Variants in ATRN observed in about 807,000 individuals in gnomAD.
ATRN encodes attractin.
ATRN carries 54 observed loss-of-function variants against 178.7 expected under a neutral mutation model. The ratio of observed to expected loss-of-function variants is 0.30; its 90% CI spans 0.24 to 0.38. ATRN has a LOEUF of 0.38. ATRN is among the 10% of genes least tolerant of loss of function. ATRN has a pLI of 1.00. For missense variants in ATRN, 1,443 were observed against 1,815.1 expected, an observed-to-expected ratio of 0.79 and a Z score of 3.73; for synonymous variants, 636 against 663.0, an observed-to-expected ratio of 0.96 and a Z score of 0.63.
At chr20:3,528,079 A>C (rs988447136) in intron 1 of ATRN, among the ~76,000 whole-genome samples, 3 of 152,020 alleles carry the variant, frequency 2.0e-5, no homozygotes, top group African/African-American at 7.2e-5. Flanking sequence ...AACAAACAAA[A>C]AAACCAGAAG....
At chr20:3,524,533 A>G (rs946980985) in intron 1 of ATRN, among the ~76,000 whole-genome samples, 1 of 152,196 alleles carries the variant, frequency 6.6e-6, no homozygotes, top group East Asian at 1.9e-4. Context: ...AAGGATATTC[A>G]GGACTTGAAC....
At chr20:3,533,071 G>A (rs776721900) in intron 1 of ATRN, among the ~76,000 whole-genome samples, 13 of 152,162 alleles carry the variant, frequency 8.5e-5, no homozygotes, top group South Asian at 2.1e-4. Flanking sequence ...CTATGGTATG[G>A]GCCTCTTCAT....
intron 11 of ATRN, among the ~76,000 whole-genome samples, chr20:3,572,418 G>T (rs148098309): frequency 1.3e-5 from 2 of 152,164 alleles, no homozygotes; most frequent in East Asian, 3.9e-4. Context: ...ATGAAAGGAT[G>T]GAATTTGGAA....
intron 5 of ATRN, 78 bp from the exon 6 acceptor site, chr20:3,549,092 A>G (rs1354293893): frequency 1.7e-6 from 2 of 1,181,434 alleles, no homozygotes; most frequent in African/African-American, 1.6e-5. Flanking sequence ...TATTTGTTAC[A>G]TTTAGATAAT....
chr20:3,629,515 C>T (rs2086973817), intron 25 of ATRN, among the ~76,000 whole-genome samples: 1 of 152,206 alleles, frequency 6.6e-6, no homozygotes, highest in African/African-American at 2.4e-5. Context: ...TTCTCCAATT[C>T]TCTGACACCA....
intron 12 of ATRN, among the ~76,000 whole-genome samples, chr20:3,574,252 C>T (rs1471077666): frequency 3.9e-5 from 6 of 152,168 alleles, no homozygotes; most frequent in Non-Finnish European, 8.8e-5. Flanking sequence ...GGGCTCATGC[C>T]GGTAATCCCA....
chr20:3,489,021 C>T (rs376823215), intron 1 of ATRN, among the ~76,000 whole-genome samples: 1 of 152,074 alleles, frequency 6.6e-6, no homozygotes, highest in African/African-American at 2.4e-5. Context: ...AGTGCAGTGG[C>T]GTGATCTTGG....
At chr20:3,475,793 A>G (rs1022634386) in intron 1 of ATRN, among the ~76,000 whole-genome samples, 1 of 151,792 alleles carries the variant, frequency 6.6e-6, no homozygotes, top group Non-Finnish European at 1.5e-5. Context: ...CCTTCTGTAG[A>G]AAAAAAAAGA....
chr20:3,623,428 A>C (rs1470439077), intron 24 of ATRN, among the ~76,000 whole-genome samples: 1 of 152,226 alleles, frequency 6.6e-6, no homozygotes, highest in African/African-American at 2.4e-5. Flanking sequence ...GAATTTATTT[A>C]TTTATGGAAT....
At chr20:3,480,554 G>A (rs144720523) in intron 1 of ATRN, among the ~76,000 whole-genome samples, 10 of 152,168 alleles carry the variant, frequency 6.6e-5, no homozygotes, top group African/African-American at 2.4e-4. Flanking sequence ...TTCTTAAGCC[G>A]GTTAGAGTTG....
At chr20:3,518,041 C>G (rs1434896053) in intron 1 of ATRN, among the ~76,000 whole-genome samples, 1 of 152,210 alleles carries the variant, frequency 6.6e-6, no homozygotes, top group Non-Finnish European at 1.5e-5. Context: ...GATTTGGTTT[C>G]TTCACAGTGG....
intron 24 of ATRN, among the ~76,000 whole-genome samples, chr20:3,622,375 C>T (rs539641106): frequency 2.6e-5 from 4 of 152,232 alleles, no homozygotes; most frequent in African/African-American, 4.8e-5. Flanking sequence ...TCTCCAACAG[C>T]GCTTCCACTA....
chr20:3,508,132 T>C (rs1268681097), intron 1 of ATRN, among the ~76,000 whole-genome samples: 4 of 152,068 alleles, frequency 2.6e-5, no homozygotes, highest in East Asian at 3.9e-4. Flanking sequence ...GATGATTCCT[T>C]GAGCCCAGGA....
intron 22 of ATRN, among the ~76,000 whole-genome samples, chr20:3,599,722 T>C (rs530913077): frequency 1.3e-5 from 2 of 152,324 alleles, no homozygotes; most frequent in East Asian, 3.9e-4. Flanking sequence ...GATTTGGGCA[T>C]GCTCAGGGGG....
intron 15 of ATRN, among the ~76,000 whole-genome samples, chr20:3,580,614 C>T (rs1359460487): frequency 2.0e-5 from 3 of 152,118 alleles, no homozygotes; most frequent in Non-Finnish European, 2.9e-5. Flanking sequence ...ATTAGGATGT[C>T]GAAGACGGAA....
intron 18 of ATRN, among the ~76,000 whole-genome samples, chr20:3,589,771 A>G (rs1189891531): frequency 6.6e-6 from 1 of 151,992 alleles, no homozygotes; most frequent in African/African-American, 2.4e-5. Flanking sequence ...GTCCACTTCG[A>G]CTGTTGTTGA....
chr20:3,614,693 G>A (rs2086817836), intron 24 of ATRN, among the ~76,000 whole-genome samples: 1 of 152,072 alleles, frequency 6.6e-6, no homozygotes, highest in South Asian at 2.1e-4. Flanking sequence ...ACAATTCAGT[G>A]GTTTTCAGTG....
Position 3,604,215 on chromosome 20 carries a change from A to G in ATRN, c.3754A>G (p.Thr1252Ala). The part of the protein sequence containing the change: ...KFDFRNHPNI[T>A]FFVYVSNFTW... Reference sequence around the variant, plus strand: ...TGATTTTCGCAACCACCCAAATATCACTTTCTTTGTTTATGTCAGTAATTT... The same window carrying G: ...TGATTTTCGCAACCACCCAAATATCGCTTTCTTTGTTTATGTCAGTAATTT... The change falls in exon 24 of 29, where the codon ACT (threonine) becomes GCT (alanine). Residue 1252 changes from threonine to alanine, a missense_variant. By Grantham distance (58) the Thr-to-Ala change is moderately conservative (BLOSUM62 0). Transcript: ENST00000262919. The G allele has an allele frequency of 6.2e-7, 1 of 1,613,094 alleles. No individual in the cohort carries two copies. Among genetic ancestry groups the G allele is most frequent in the Non-Finnish European group, 8.5e-7 (1 of 1,179,714 alleles).
At chr20:3,589,264 C>T (rs6084421) in intron 18 of ATRN, among the ~76,000 whole-genome samples, 4 of 152,112 alleles carry the variant, frequency 2.6e-5, no homozygotes, top group Non-Finnish European at 4.4e-5. Context: ...TCCCAAAGTG[C>T]TGGGATTACA....
Sources: allele counts gnomAD v4.1 joint callset (sites outside exome capture counted in the v4.1 genomes callset), GRCh38; gene constraint gnomAD v4.1.1; transcripts MANE v1.5; gene names NCBI Gene and HGNC (gene_info 2026-07-23, HGNC 2026-07-21).